C14orf39: variants seen among roughly 807,000 people sequenced by gnomAD.
C14orf39 encodes the protein chromosome 14 open reading frame 39, also known as protein SIX6OS1.
In C14orf39, 66 loss-of-function variants were observed where a neutral mutation model predicts 85.6. The observed-to-expected ratio is 0.77, with a 90% CI of 0.63 to 0.95. The LOEUF is 0.95. Ranked by LOEUF, C14orf39 falls within the 40% of genes least tolerant of loss-of-function variation. C14orf39 has a pLI of 0.00. For synonymous variants in C14orf39, 242 were observed against 214.0 expected (o/e 1.13, Z -1.14); for missense variants, 735 against 663.9 (o/e 1.11, Z -1.18).
At chr14:60,495,279 C>A in intron 2 of C14orf39, 1 of 220,832 alleles carries the variant, frequency 4.5e-6, no homozygotes, top group South Asian at 7.9e-5. Context: ...ATTTCTGGGT[C>A]TCTGACCCTG....
chr14:60,489,567 CCTT>C (rs1386397030), upstream of C14orf39, among the ~76,000 whole-genome samples: 1 of 152,172 alleles, frequency 6.6e-6, no homozygotes, highest in East Asian at 1.9e-4. Context: ...AATCTATCCT[CCTT>C]CTGTTCTGTT....
intron 4 of C14orf39, among the ~76,000 whole-genome samples, chr14:60,481,541 G>A (rs1213336183): frequency 6.6e-6 from 1 of 151,932 alleles, no homozygotes; most frequent in African/African-American, 2.4e-5. Flanking sequence ...ATATATACTG[G>A]CATGTCATCT....
chr14:60,499,111 C>T (rs1343876790), intron 2 of C14orf39, among the ~76,000 whole-genome samples: 1 of 152,024 alleles, frequency 6.6e-6, no homozygotes, highest in African/African-American at 2.4e-5. Flanking sequence ...CAAAAAATAG[C>T]TGGGCATGGT....
intron 11 of C14orf39, among the ~76,000 whole-genome samples, chr14:60,463,989 GAAAC>G (rs1384702778): frequency 6.6e-6 from 1 of 151,972 alleles, no homozygotes; most frequent in African/African-American, 2.4e-5. Context: ...AAAAAACAAA[GAAAC>G]AAACAAAAAA....
rs1158308505 is a variant in C14orf39 at position 60,436,878 on chromosome 14, G to A, written c.1731C>T (p.Ser577=). The change falls in exon 18 of 18, where the codon TCC becomes TCT. Residue 577 remains serine (S), a synonymous_variant. Transcript: ENST00000321731. ...PSSSLKGFSS[S]SQNTTQFTFF The stretch of plus-strand genomic sequence containing the variant: ...AAGTAAACTGTGTTGTATTTTGTGA[G>A]GAAGATGAAAAACCTTTTAAAGAAG... 1 of 1,611,428 alleles carries A rather than the reference G, an allele frequency of 6.2e-7. No homozygotes were observed. The highest frequency in any genetic ancestry group is 1.1e-5 in the South Asian group (1 of 90,816).
In C14orf39 at chr14:60,503,744, C is replaced by T. The variant is rs182479340; in HGVS notation, c.-143-4314G>A. ...CAAGCTTTATAAGTATTTGGTTATC[C>T]TAAGTATCATTTACAGTAAATTTTA... On this transcript the variant is annotated intron_variant, in intron 1 of 5. Coordinates refer to the C14orf39 transcript ENST00000556799. Among the ~76,000 whole-genome samples, 71 of 152,274 alleles carry T rather than the reference C, an allele frequency of 4.7e-4. 1 individual carries two copies. In the Middle Eastern group the frequency reaches 0.02, roughly 44 times the overall value.
At chr14:60,457,614 T>C (rs117336581) in intron 14 of C14orf39, among the ~76,000 whole-genome samples, 453 of 152,192 alleles carry the variant, frequency 3.0e-3, no homozygotes, top group Non-Finnish European at 5.1e-3. Context: ...AATAGTGATA[T>C]GATTTCTCAA....
intron 1 of C14orf39, 139 bp from the exon 2 acceptor site, chr14:60,485,225 C>T (rs1229572187): frequency 2.8e-6 from 2 of 708,564 alleles, no homozygotes; most frequent in African/African-American, 3.7e-5. Flanking sequence ...CGAGAGGCCC[C>T]CTTGAGCCCA....
At chr14:60,443,238 G>A (rs1209674438) in intron 16 of C14orf39, among the ~76,000 whole-genome samples, 2 of 152,176 alleles carry the variant, frequency 1.3e-5, no homozygotes, top group African/African-American at 4.8e-5. Context: ...CCCGTGAAGT[G>A]CATGGGGTTG....
intron 9 of C14orf39, among the ~76,000 whole-genome samples, chr14:60,467,927 C>A (rs1891876753): frequency 6.6e-6 from 1 of 150,860 alleles, no homozygotes; most frequent in Non-Finnish European, 1.5e-5. Context: ...TGATAACAGG[C>A]AAAGTCCATC....
Position 60,469,639 on chromosome 14 carries a change from C to A in C14orf39, c.569G>T (p.Cys190Phe). 7.3e-7 allele frequency: 1 copy of A among 1,365,260 alleles called. No individual in the cohort carries two copies. The highest frequency in any genetic ancestry group is 9.9e-7 in the Non-Finnish European group (1 of 1,005,194). The allele number at this position is 1,365,260 out of a possible 1,614,324, so 84.6% of individuals were successfully genotyped here. Residue 190 changes from cysteine (C) to phenylalanine (F), a missense_variant, in exon 8 of 18, where the codon TGT (cysteine) becomes TTT (phenylalanine). Transcript: ENST00000321731. ...ATGTTTAAGAATATCTTGTGTTTCACATCTCAAATTAACACTTTTTATGTT... is the reference window on the plus strand; with the variant it reads ...ATGTTTAAGAATATCTTGTGTTTCAAATCTCAAATTAACACTTTTTATGTT... ...KWTLNIVNLR[C>F]ETQDILKHAS... is the part of the protein sequence containing the mutation.
intron 1 of C14orf39, chr14:60,508,995 A>T (rs1029477310): frequency 1.2e-5 from 3 of 242,064 alleles, no homozygotes; most frequent in African/African-American, 7.1e-5. Context: ...CAAAATACTG[A>T]AGAAAAGTCC....
At chr14:60,473,875 A>T (rs918761032) in intron 5 of C14orf39, among the ~76,000 whole-genome samples, 6 of 152,006 alleles carry the variant, frequency 3.9e-5, no homozygotes, top group East Asian at 3.9e-4. Flanking sequence ...AGGATTGACT[A>T]GGCAATGCAG....
At chr14:60,440,755 G>A (rs1190127352) in intron 17 of C14orf39, among the ~76,000 whole-genome samples, 1 of 152,022 alleles carries the variant, frequency 6.6e-6, no homozygotes, top group African/African-American at 2.4e-5. Context: ...CCACCTCTTG[G>A]ATTTAATCTC....
intron 4 of C14orf39, among the ~76,000 whole-genome samples, chr14:60,479,202 T>C (rs1892529030): frequency 6.6e-6 from 1 of 152,202 alleles, no homozygotes; most frequent in South Asian, 2.1e-4. Flanking sequence ...CATTTTAACA[T>C]CATTGAGAGC....
In C14orf39 at chr14:60,437,027, C is replaced by T. The variant is rs1479704928; in HGVS notation, c.1582G>A (p.Glu528Lys). ...QEIGNLLEKP[E>K]GEDGFTFSFP... Reference sequence around the variant, plus strand: ...GAAAATGTAAAGCCATCTTCTCCTTCTGGCTTCTCAAGTAAGTTTCCTAAG... The same window carrying T: ...GAAAATGTAAAGCCATCTTCTCCTTTTGGCTTCTCAAGTAAGTTTCCTAAG... Residue 528 changes from glutamate to lysine, a missense_variant, in exon 18 of 18, where the codon GAA becomes AAA. Glu to Lys is a moderately conservative substitution (Grantham distance 56). Coordinates refer to ENST00000321731, the MANE Select transcript of C14orf39 (RefSeq NM_174978.3). The T allele has an allele frequency of 1.2e-6, 2 of 1,606,388 alleles. No individual in the cohort carries two copies. Among genetic ancestry groups the T allele is most frequent in the Admixed American group, 1.7e-5 (1 of 58,486 alleles).
chr14:60,510,044 C>A, intron 1 of C14orf39: 1 of 1,336,634 alleles, frequency 7.5e-7, no homozygotes, highest in Non-Finnish European at 1.1e-6. Flanking sequence ...GGCGCCCTTA[C>A]CCAGTCCCTG....
chr14:60,501,661 T>G (rs1893150722), intron 1 of C14orf39, among the ~76,000 whole-genome samples: 1 of 152,242 alleles, frequency 6.6e-6, no homozygotes, highest in Admixed American at 6.5e-5. Flanking sequence ...GGGAATTTCA[T>G]GTAAGCTATC....
intron 15 of C14orf39, among the ~76,000 whole-genome samples, chr14:60,456,505 C>T (rs117234454): frequency 0.012 from 1,883 of 151,796 alleles, 17 homozygotes; most frequent in Middle Eastern, 0.027. Flanking sequence ...ATCCTCCTCC[C>T]TTAGCCTCCC....
Sources: allele counts gnomAD v4.1 joint callset (sites outside exome capture counted in the v4.1 genomes callset), GRCh38; gene constraint gnomAD v4.1.1; transcripts MANE v1.5; gene names NCBI Gene and HGNC (gene_info 2026-07-23, HGNC 2026-07-21).